Variants in FSTL4 observed in about 807,000 individuals in gnomAD.
FSTL4 encodes follistatin like 4.
Under a neutral mutation model 78.2 loss-of-function variants are expected in FSTL4, and 28 were observed. That is an observed-to-expected ratio of 0.36 (90% CI 0.27 to 0.49). The LOEUF (loss-of-function observed/expected upper bound fraction) is 0.49, where lower values mean the gene tolerates loss of function less well. Among genes scored for constraint, FSTL4 ranks in the 20% least tolerant of loss-of-function variants. The pLI is 0.98. For synonymous variants in FSTL4, 422 were observed against 440.5 expected (o/e 0.96, Z 0.53); for missense variants, 922 against 1,084.9 (o/e 0.85, Z 2.11).
the FSTL4 span, among the ~76,000 whole-genome samples, chr5:133,743,624 A>G: frequency 6.6e-6 from 1 of 152,256 alleles, no homozygotes; most frequent in African/African-American, 2.4e-5. Flanking sequence ...TCTAAGATCT[A>G]ATGGTAAATT....
intron 3 of FSTL4, among the ~76,000 whole-genome samples, chr5:133,466,415 G>A (rs9686576): frequency 0.012 from 1,844 of 152,180 alleles, 41 homozygotes; most frequent in African/African-American, 0.042. Flanking sequence ...GGTGGCAGGC[G>A]CCTGTAGTCC....
intron 7 of FSTL4, among the ~76,000 whole-genome samples, chr5:133,241,883 C>T (rs985862443): frequency 1.3e-5 from 2 of 152,198 alleles, no homozygotes; most frequent in Non-Finnish European, 2.9e-5. Context: ...ACAGCTGATT[C>T]CTGTCGTTGA....
At chr5:133,383,150 G>C (rs1413241118) in intron 4 of FSTL4, among the ~76,000 whole-genome samples, 1 of 152,162 alleles carries the variant, frequency 6.6e-6, no homozygotes, top group Non-Finnish European at 1.5e-5. Flanking sequence ...AGTTTCAAAT[G>C]TCTCCCAGTC....
the FSTL4 span, among the ~76,000 whole-genome samples, chr5:133,694,571 A>G: frequency 1.3e-5 from 2 of 152,118 alleles, no homozygotes; most frequent in African/African-American, 4.8e-5. Context: ...TCCCACATAC[A>G]CACATAAGCA....
the FSTL4 span, among the ~76,000 whole-genome samples, chr5:133,675,174 G>C: frequency 6.6e-6 from 1 of 152,094 alleles, no homozygotes; most frequent in East Asian, 1.9e-4. Context: ...TGATAAGAAG[G>C]CTCTTTCCAT....
intron 4 of FSTL4, among the ~76,000 whole-genome samples, chr5:133,373,825 A>G (rs1370005677): frequency 1.3e-5 from 2 of 152,224 alleles, no homozygotes; most frequent in African/African-American, 4.8e-5. Flanking sequence ...AGGATGAAGC[A>G]TCACTTGCCT....
chr5:133,514,178 C>CAATAATAAT lies in FSTL4; in HGVS notation c.160+53007_160+53008insATTATTATT, dbSNP rs779619451. ...TGAGCTAAAGAGCAAGACTCCGTCT[C>CAATAATAAT]AATGATAATAATAATAATAATAATA... On this transcript the variant is annotated intron_variant, in intron 3 of 15. Coordinates refer to ENST00000265342, the MANE Select transcript of FSTL4 (RefSeq NM_015082.2). Among the ~76,000 whole-genome samples the CAATAATAAT allele has an allele frequency of 3.8e-3, 503 of 131,022 alleles. 6 individuals are homozygous for CAATAATAAT. The highest frequency in any genetic ancestry group is 4.7e-3 in the East Asian group (21 of 4,510). The allele number at this position is 131,022 out of a possible 152,430, so 86.0% of individuals were successfully genotyped here.
the FSTL4 span, among the ~76,000 whole-genome samples, chr5:133,698,900 T>G: frequency 6.6e-6 from 1 of 152,260 alleles, no homozygotes; most frequent in Admixed American, 6.5e-5. Flanking sequence ...CCCACGGCTC[T>G]CAGGTACACC....
chr5:133,804,664 G>A, the FSTL4 span, among the ~76,000 whole-genome samples: 2 of 152,136 alleles, frequency 1.3e-5, no homozygotes, highest in Non-Finnish European at 2.9e-5. Flanking sequence ...CTCCTTGGCT[G>A]GGGCTTCCAC....
In FSTL4 at chr5:133,281,227, A is replaced by T. The variant is rs577050983; in HGVS notation, c.727+31427T>A. 2.0e-5 allele frequency among the ~76,000 whole-genome samples: 3 copies of T among 152,162 alleles called. No individual in the cohort carries two copies. The East Asian group carries it at 5.8e-4, about 29-fold the overall frequency. On this transcript the variant is annotated intron_variant, in intron 6 of 15. Transcript: ENST00000265342. Reference sequence around the variant, plus strand: ...TCAAATCCTGGGCCTGGTATTTGTGATCTGCATTAATGGCCTTGAGGGACA... The same window carrying T: ...TCAAATCCTGGGCCTGGTATTTGTGTTCTGCATTAATGGCCTTGAGGGACA...
chr5:133,730,263 C>T, the FSTL4 span, among the ~76,000 whole-genome samples: 1 of 152,178 alleles, frequency 6.6e-6, no homozygotes. Context: ...TAAAATTTCT[C>T]ATCTCTCAAC....
intron 3 of FSTL4, among the ~76,000 whole-genome samples, chr5:133,498,169 CCG>C (rs1459465398): frequency 2.0e-5 from 3 of 152,168 alleles, no homozygotes; most frequent in Non-Finnish European, 4.4e-5. Flanking sequence ...AGGTGCCTCA[CCG>C]CACGGTGACT....
At chr5:133,416,328 G>A (rs1018104067) in intron 3 of FSTL4, among the ~76,000 whole-genome samples, 1 of 152,160 alleles carries the variant, frequency 6.6e-6, no homozygotes, top group African/African-American at 2.4e-5. Flanking sequence ...ACAAATAAAT[G>A]GGGACAAGAG....
the FSTL4 span, among the ~76,000 whole-genome samples, chr5:133,711,136 G>A: frequency 6.6e-6 from 1 of 152,176 alleles, no homozygotes; most frequent in African/African-American, 2.4e-5. Flanking sequence ...CCCAGTGCTG[G>A]AAAAATGGAG....
chr5:133,487,982 G>C (rs1193870156), intron 3 of FSTL4, among the ~76,000 whole-genome samples: 1 of 152,176 alleles, frequency 6.6e-6, no homozygotes, highest in Non-Finnish European at 1.5e-5. Flanking sequence ...AGACCAACCA[G>C]TCAAACACCA....
chr5:133,383,033 T>C (rs1755611671), intron 4 of FSTL4, among the ~76,000 whole-genome samples: 1 of 152,122 alleles, frequency 6.6e-6, no homozygotes, highest in Non-Finnish European at 1.5e-5. Flanking sequence ...ACATGGACTT[T>C]ACTGACATGT....
chr5:133,399,273 C>T (rs1465776796), intron 4 of FSTL4, among the ~76,000 whole-genome samples: 2 of 152,184 alleles, frequency 1.3e-5, no homozygotes, highest in Non-Finnish European at 1.5e-5. Context: ...ACTGGCGGCA[C>T]GTGGCTGGGC....
intron 7 of FSTL4, among the ~76,000 whole-genome samples, chr5:133,241,356 C>T (rs1751867960): frequency 6.6e-6 from 1 of 152,214 alleles, no homozygotes; most frequent in Non-Finnish European, 1.5e-5. Flanking sequence ...GAGCCAACTT[C>T]AGTTGGCTCA....
chr5:133,599,316 T>C (rs540810523), intron 2 of FSTL4, among the ~76,000 whole-genome samples: 2 of 152,036 alleles, frequency 1.3e-5, no homozygotes, highest in Non-Finnish European at 2.9e-5. Context: ...TCAACACTTG[T>C]AGCAAGGGGA....
Sources: allele counts gnomAD v4.1 joint callset (sites outside exome capture counted in the v4.1 genomes callset), GRCh38; gene constraint gnomAD v4.1.1; transcripts MANE v1.5; gene names NCBI Gene and HGNC (gene_info 2026-07-23, HGNC 2026-07-21).